IFT140: variants seen among roughly 807,000 people sequenced by gnomAD.
IFT140 encodes intraflagellar transport 140.
IFT140 carries 133 observed loss-of-function variants against 164.6 expected under a neutral mutation model. The observed-to-expected ratio is 0.81, with a 90% CI of 0.70 to 0.93. The LOEUF (loss-of-function observed/expected upper bound fraction) is 0.93, where lower values mean the gene tolerates loss of function less well. Among genes scored for constraint, IFT140 ranks in the 40% least tolerant of loss-of-function variants. The pLI is 0.00. For synonymous variants in IFT140, 860 were observed against 817.3 expected (o/e 1.05, Z -0.89); for missense variants, 2,045 against 1,972.3 (o/e 1.04, Z -0.70).
chr16:1,534,447 G>T lies in IFT140; in HGVS notation c.2400-7651C>A, dbSNP rs754246477. ...CTGGCTGGTGGACAGGACCCGGGGA[G>T]GGCCGAGCCCTGGGGCCAGAGCCGG... On this transcript the variant is annotated intron_variant, in intron 19 of 30. Coordinates refer to ENST00000426508, the MANE Select transcript of IFT140 (RefSeq NM_014714.4). 4 of 1,611,550 alleles carry T rather than the reference G, an allele frequency of 2.5e-6. No individual in the cohort carries two copies. In the Admixed American group the frequency reaches 6.7e-5, roughly 27 times the overall value.
At chr16:1,546,836 T>C (rs1220843365) in intron 19 of IFT140, among the ~76,000 whole-genome samples, 2 of 152,174 alleles carry the variant, frequency 1.3e-5, no homozygotes, top group African/African-American at 4.8e-5. Flanking sequence ...TTGGGTTGAG[T>C]CATATCTTCA....
chr16:1,611,222 T>C (rs2093570799), intron 1 of IFT140, among the ~76,000 whole-genome samples: 1 of 152,144 alleles, frequency 6.6e-6, no homozygotes, highest in Non-Finnish European at 1.5e-5. Context: ...AGAAAGCAGC[T>C]GGCGGCCGGA....
chr16:1,524,311 A>G, intron 24 of IFT140: 1 of 629,588 alleles, frequency 1.6e-6, no homozygotes, highest in South Asian at 2.0e-5. Context: ...CCACCCACTC[A>G]GGAGCCCTGG....
intron 19 of IFT140, among the ~76,000 whole-genome samples, chr16:1,548,865 C>T (rs761798197): frequency 3.9e-5 from 6 of 152,250 alleles, no homozygotes; most frequent in Non-Finnish European, 8.8e-5. Flanking sequence ...TAGCTACAGG[C>T]GCCTCTGCAT....
At chr16:1,580,030 G>A (rs993186446) in intron 13 of IFT140, among the ~76,000 whole-genome samples, 1 of 151,640 alleles carries the variant, frequency 6.6e-6, no homozygotes, top group Admixed American at 6.6e-5. Flanking sequence ...ACATGCGGGA[G>A]ACAGCCTGGC....
intron 20 of IFT140, 172 bp downstream of exon 20, chr16:1,526,447 C>T: frequency 1.3e-6 from 1 of 745,886 alleles, no homozygotes; most frequent in Non-Finnish European, 2.1e-6. Flanking sequence ...CTAGCCTCCA[C>T]CCACCTCACC....
At position 1,518,273 on chromosome 16, in the gene IFT140, G is replaced by A. The variant is rs543475833; in HGVS notation, c.4125C>T (p.Ile1375=). Reference sequence around the variant, plus strand: ...CCACCAGGAAGCCATAGACGTCCCCGATGCGGATGGTGCTGTCCAGGTCTG... The same window carrying A: ...CCACCAGGAAGCCATAGACGTCCCCAATGCGGATGGTGCTGTCCAGGTCTG... ...EEPDLDSTIR[I]GDVYGFLVEH... is the part of the protein sequence containing the mutation. Residue 1375 remains isoleucine (I), a synonymous_variant, in exon 30 of 31, where the codon ATC becomes ATT. Transcript: ENST00000426508. The A allele has an allele frequency of 2.6e-5, 42 of 1,614,104 alleles. No homozygotes were observed. Among genetic ancestry groups the A allele is most frequent in the African/African-American group, 1.6e-4 (12 of 75,046 alleles).
chr16:1,526,588 T>C (rs1256137431), intron 20 of IFT140, 31 bp downstream of exon 20: 2 of 1,478,702 alleles, frequency 1.4e-6, no homozygotes, highest in African/African-American at 2.8e-5. Context: ...CGTGGTGCCT[T>C]CCCACCCACC....
At chr16:1,600,988 C>A (rs1166079475) in intron 4 of IFT140, among the ~76,000 whole-genome samples, 1 of 151,972 alleles carries the variant, frequency 6.6e-6, no homozygotes, top group Non-Finnish European at 1.5e-5. Context: ...ACTAGCCAGA[C>A]GTGGTAGCTC....
chr16:1,535,496 C>T (rs2141244885), intron 19 of IFT140, among the ~76,000 whole-genome samples: 1 of 152,338 alleles, frequency 6.6e-6, no homozygotes, highest in East Asian at 1.9e-4. Context: ...GTTGGACGCT[C>T]CTTCTGCTCT....
Position 1,586,277 on chromosome 16 carries a change from T to C in IFT140, c.1010-2A>G. ...TGTCGGTACCAGCGGCCAGAAGACC[T>C]ACAGGTAGAAACAAACTGCATGTGA... is the stretch of plus-strand genomic sequence containing the variant. On this transcript the variant is annotated splice_acceptor_variant, in intron 9 of 30. Coordinates refer to ENST00000426508, the MANE Select transcript of IFT140 (RefSeq NM_014714.4). LOFTEE classifies it high-confidence loss of function. 1 of 1,610,928 alleles carries C rather than the reference T, an allele frequency of 6.2e-7. No individual in the cohort carries two copies. The highest frequency in any genetic ancestry group is 1.7e-4 in the Middle Eastern group (1 of 6,046).
chr16:1,527,828 C>T (rs1181884318), intron 19 of IFT140, among the ~76,000 whole-genome samples: 1 of 152,248 alleles, frequency 6.6e-6, no homozygotes, highest in Non-Finnish European at 1.5e-5. Flanking sequence ...CTGCCTTGGC[C>T]TCCCACACTG....
rs1382154732 is a variant in IFT140, at chr16:1,580,847, G to C, written c.1436C>G (p.Thr479Ser). Residue 479 changes from threonine (T) to serine (S), a missense_variant, in exon 13 of 31, where the codon ACC becomes AGC. Transcript: ENST00000426508. ...LSGAAIRSAGTFLCETPVLAM... is the reference protein window; with the variant it reads ...LSGAAIRSAGSFLCETPVLAM... Reference sequence around the variant, plus strand: ...TAACACAGGCGTCTCACACAAGAAGGTCCCTAAAATGAAAGACGAACATCA... The same window carrying C: ...TAACACAGGCGTCTCACACAAGAAGCTCCCTAAAATGAAAGACGAACATCA... 6.2e-7 allele frequency: 1 copy of C among 1,611,696 alleles called. No individual in the cohort carries two copies. Among genetic ancestry groups the C allele is most frequent in the Non-Finnish European group, 8.5e-7 (1 of 1,178,064 alleles).
At chr16:1,597,551 C>T (rs908937666) in intron 4 of IFT140, among the ~76,000 whole-genome samples, 2 of 152,208 alleles carry the variant, frequency 1.3e-5, no homozygotes, top group Admixed American at 6.5e-5. Context: ...AGCAGGGAAG[C>T]GCCTTGCACC....
At chr16:1,539,124 G>A (rs2031372747) in intron 19 of IFT140, among the ~76,000 whole-genome samples, 1 of 150,942 alleles carries the variant, frequency 6.6e-6, no homozygotes, top group Non-Finnish European at 1.5e-5. Flanking sequence ...AAGCTGCAGA[G>A]TGCCAGACGG....
At chr16:1,523,998 C>T in intron 24 of IFT140, 42 bp from the exon 25 acceptor site, 3 of 1,597,150 alleles carry the variant, frequency 1.9e-6, no homozygotes, top group Non-Finnish European at 2.6e-6. Flanking sequence ...CTCCCACTGG[C>T]TTCCCCAGGT....
intron 15 of IFT140, among the ~76,000 whole-genome samples, chr16:1,567,882 T>C (rs1211683747): frequency 6.6e-6 from 1 of 151,996 alleles, no homozygotes; most frequent in Non-Finnish European, 1.5e-5. Flanking sequence ...CAAAGAAAAC[T>C]GAGTGGGATG....
At chr16:1,598,644 T>A (rs1459310545) in intron 4 of IFT140, among the ~76,000 whole-genome samples, 1 of 152,252 alleles carries the variant, frequency 6.6e-6, no homozygotes, top group Non-Finnish European at 1.5e-5. Context: ...GGAGAGAGGC[T>A]GGTGTGCACT....
At chr16:1,582,080 G>T (rs950560726) in intron 12 of IFT140, among the ~76,000 whole-genome samples, 2 of 152,074 alleles carry the variant, frequency 1.3e-5, no homozygotes, top group African/African-American at 2.4e-5. Flanking sequence ...TGGTGAAGGT[G>T]ATAACTGTGG....
Sources: allele counts gnomAD v4.1 joint callset (sites outside exome capture counted in the v4.1 genomes callset), GRCh38; gene constraint gnomAD v4.1.1; transcripts MANE v1.5; gene names NCBI Gene and HGNC (gene_info 2026-07-23, HGNC 2026-07-21).